Variants in POLR3A observed in about 807,000 individuals in gnomAD.
POLR3A encodes RNA polymerase III subunit A, also known as DNA-directed RNA polymerase III subunit RPC1.
A neutral mutation model predicts 152.8 loss-of-function variants in POLR3A; 112 were observed. That is an observed-to-expected ratio of 0.73 (90% confidence interval 0.63 to 0.86). The LOEUF is 0.86. Ranked by LOEUF, POLR3A falls within the 40% of genes least tolerant of loss-of-function variation. The pLI, the probability that POLR3A is intolerant of heterozygous loss-of-function variation, is 0.00. For synonymous variants in POLR3A, 615 were observed against 652.1 expected (o/e 0.94, Z 0.87); for missense variants, 1,385 against 1,743.1 (o/e 0.79, Z 3.66).
At chr10:77,999,910 G>C in intron 19 of POLR3A, 71 bp downstream of exon 19, 1 of 1,436,796 alleles carries the variant, frequency 7.0e-7, no homozygotes, top group Non-Finnish European at 9.8e-7. Flanking sequence ...TGCAAAACGT[G>C]TACTCAATAG....
rs560414667 is a variant in POLR3A, at chr10:77,981,532, C to A, written c.3787G>T (p.Ala1263Ser). ...ATTTCATTGATGATCGTTGTCCGGG[C>A]GGCCTCGATGCCCAGAGTTTTCTCC... ...EVEKTLGIEA[A>S]RTTIINEIQY... Residue 1263 changes from alanine to serine, a missense_variant, in exon 29 of 31, where the codon GCC becomes TCC. Transcript: ENST00000372371. 6.2e-6 allele frequency: 10 copies of A among 1,614,010 alleles called. No individual in the cohort carries two copies. The highest frequency in any genetic ancestry group is 4.4e-5 in the South Asian group (4 of 91,076).
Position 77,982,038 on chromosome 10 carries a change from CAAAAAAAAA to C in POLR3A, c.3759+107_3759+115del, listed in dbSNP as rs553149963. 1.8e-3 allele frequency: 490 copies of C among 276,964 alleles called. 4 individuals carry two copies. In the East Asian group the frequency reaches 0.026, roughly 15 times the overall value. The allele number at this position is 276,964 out of a possible 1,614,324, so 17.2% of individuals were successfully genotyped here. A position where few individuals can be genotyped will look rare whatever the true frequency, so the allele number is the denominator to read the frequency against. On this transcript the variant is annotated intron_variant, in intron 28 of 30. Transcript: ENST00000372371. Reference sequence around the variant, plus strand: ...TGGGCAACAGAGCAAGACTCCATCTCAAAAAAAAAAAAAAAAAAAAAAAAAAAAGAAGTA... The same window carrying C: ...TGGGCAACAGAGCAAGACTCCATCTCAAAAAAAAAAAAAAAAAAAGAAGTA...
In POLR3A at chr10:78,013,673, C is replaced by T. The variant is rs767334230; in HGVS notation, c.1549G>A (p.Ala517Thr). The change falls in exon 11 of 31, where the codon GCA (alanine) becomes ACA (threonine). Residue 517 changes from alanine (A) to threonine (T), a missense_variant. Around this residue, in one of 7 missense-constraint regions of POLR3A, gnomAD observed 493 missense variants for 647.5 expected, o/e 0.76. Coordinates refer to ENST00000372371, the MANE Select transcript of POLR3A (RefSeq NM_007055.4). ...LHLPQTEEAK[A>T]EALVLMGTKA... ...ACCCCCATCAGAACAAGGGCCTCTG[C>T]TTTAGCTTCTTCTGTTTGAGGAAGA... 3.1e-6 allele frequency: 5 copies of T among 1,614,010 alleles called. No homozygotes were observed. Among genetic ancestry groups the T allele is most frequent in the Non-Finnish European group, 4.2e-6 (5 of 1,180,002 alleles).
intron 19 of POLR3A, among the ~76,000 whole-genome samples, chr10:77,994,192 T>C (rs1217589736): frequency 6.6e-6 from 1 of 152,150 alleles, no homozygotes; most frequent in Non-Finnish European, 1.5e-5. Flanking sequence ...GATGATTAAT[T>C]GTATTCCATG....
At chr10:78,027,551 G>A (rs759919132) in intron 1 of POLR3A, among the ~76,000 whole-genome samples, 22 of 147,674 alleles carry the variant, frequency 1.5e-4, no homozygotes, top group Non-Finnish European at 2.8e-4. Context: ...AGCTGCTAGA[G>A]GATTTTTTTT....
intron 9 of POLR3A, among the ~76,000 whole-genome samples, chr10:78,018,191 C>G (rs1863902): frequency 6.8e-6 from 1 of 147,328 alleles, no homozygotes; most frequent in Admixed American, 6.8e-5. Context: ...AAAAAAAAAC[C>G]ATGATAAATT....
At chr10:78,005,002 T>TAAA in intron 15 of POLR3A, 114 bp from the exon 16 acceptor site, 1 of 803,646 alleles carries the variant, frequency 1.2e-6, no homozygotes, top group South Asian at 1.4e-5. Flanking sequence ...TATGTATGTA[T>TAAA]AGTTTAAAGT....
Position 77,985,165 on chromosome 10 carries a change from G to A in POLR3A, c.3242+5C>T. 6.2e-7 allele frequency: 1 copy of A among 1,612,580 alleles called. No individual in the cohort carries two copies. Among genetic ancestry groups the A allele is most frequent in the African/African-American group, 1.3e-5 (1 of 75,038 alleles). On this transcript the variant is annotated splice_donor_5th_base_variant and intron_variant, in intron 24 of 30. Coordinates refer to ENST00000372371, the MANE Select transcript of POLR3A (RefSeq NM_007055.4). Reference sequence around the variant, plus strand: ...GTGGAACAAGAAGGAAATGAAAGCAGGCACCTGATGGCCTTGGAAGCGTTG... The same window carrying A: ...GTGGAACAAGAAGGAAATGAAAGCAAGCACCTGATGGCCTTGGAAGCGTTG...
In POLR3A at chr10:78,012,719, GT is replaced by G. The variant is rs111895113; in HGVS notation, c.1572+930del. Among the ~76,000 whole-genome samples the G allele has an allele frequency of 9.9e-4, 145 of 147,084 alleles. 2 individuals are homozygous for G. In the Middle Eastern group the frequency reaches 0.01, roughly 11 times the overall value. On this transcript the variant is annotated intron_variant, in intron 11 of 30. Transcript: ENST00000372371. The stretch of plus-strand genomic sequence containing the variant: ...TGAATAGTACATGTAGTGCCAACAG[GT>G]TTTTTTTTTTTCTTCTTTTGAGACA...
chr10:78,024,976 A>G lies in POLR3A; in HGVS notation c.485T>C (p.Phe162Ser), dbSNP rs780825509. 3 of 1,614,158 alleles carry G rather than the reference A, an allele frequency of 1.9e-6. No homozygotes were observed. The highest frequency in any genetic ancestry group is 2.5e-6 in the Non-Finnish European group (3 of 1,180,010). ...KKNICHHCGAFNGTVKKCGLL... is the reference protein window; with the variant it reads ...KKNICHHCGASNGTVKKCGLL... Reference sequence around the variant, plus strand: ...CTTCTGTGCATTCCACTCACCATTAAAAGCGCCACAGTGATGGCAGATGTT... The same window carrying G: ...CTTCTGTGCATTCCACTCACCATTAGAAGCGCCACAGTGATGGCAGATGTT... The change falls in exon 4 of 31, where the codon TTT becomes TCT. Residue 162 changes from phenylalanine to serine, a missense_variant. Phe to Ser is a radical substitution (Grantham distance 155, BLOSUM62 -2). This residue lies in a region of POLR3A where 493 missense variants were observed against 647.5 expected (regional missense o/e 0.76). Transcript: ENST00000372371.
At chr10:78,001,526 C>A (rs1013386738) in intron 17 of POLR3A, among the ~76,000 whole-genome samples, 2 of 151,814 alleles carry the variant, frequency 1.3e-5, no homozygotes, top group Non-Finnish European at 2.9e-5. Context: ...TAAAAGGCAG[C>A]AAAGTTAAAG....
At chr10:78,010,064 A>T in intron 12 of POLR3A, 73 bp from the exon 13 acceptor site, 1 of 1,582,776 alleles carries the variant, frequency 6.3e-7, no homozygotes, top group South Asian at 1.1e-5. Context: ...TTTCAATTTT[A>T]AAATAAATTT....
rs1455819607 is a variant in POLR3A, at chr10:77,995,807, G to A, written c.2617-2440C>T. ...AATTGAACTCAGCTCTGCACCAAGCGGACCTAATAGACATCTACAGAATTC... is the reference window on the plus strand; with the variant it reads ...AATTGAACTCAGCTCTGCACCAAGCAGACCTAATAGACATCTACAGAATTC... On this transcript the variant is annotated intron_variant, in intron 19 of 30. Transcript: ENST00000372371. Among the ~76,000 whole-genome samples the A allele has an allele frequency of 1.1e-4, 16 of 152,118 alleles. No homozygotes were observed. The South Asian group carries it at 1.5e-3, about 14-fold the overall frequency.
intron 19 of POLR3A, among the ~76,000 whole-genome samples, chr10:77,997,762 T>C (rs1187770942): frequency 6.7e-6 from 1 of 150,250 alleles, no homozygotes; most frequent in Non-Finnish European, 1.5e-5. Context: ...GCCATCCCCA[T>C]CAAGCTACCA....
Position 77,976,063 on chromosome 10 carries a change from G to A in POLR3A, c.*1415C>T, listed in dbSNP as rs1847085992. ...GAGAAGTTAATAGGTCTACCTTGTA[G>A]ATGCAGGGAAATCAAAAGGTCAAAC... On this transcript the variant is annotated 3_prime_UTR_variant, in exon 31 of 31. Transcript: ENST00000372371. 1.3e-5 allele frequency: 2 copies of A among 151,970 alleles called. No individual in the cohort carries two copies. The highest frequency in any genetic ancestry group is 4.2e-4 in the South Asian group (2 of 4,802). 9.4% of individuals were successfully genotyped at this position (151,970 alleles called of 1,614,324 possible).
chr10:78,002,112 T>C, intron 17 of POLR3A, 85 bp downstream of exon 17: 1 of 727,878 alleles, frequency 1.4e-6, no homozygotes, highest in South Asian at 1.7e-5. Flanking sequence ...AATGTCTGTT[T>C]GGAGCTGTGA....
Position 77,982,521 on chromosome 10 carries a change from A to G in POLR3A, c.3594+132T>C, listed in dbSNP as rs1243637854. 3.2e-6 allele frequency: 3 copies of G among 931,874 alleles called. No individual in the cohort carries two copies. The African/African-American group carries it at 4.9e-5, about 15-fold the overall frequency. 57.7% of individuals were successfully genotyped at this position (931,874 alleles called of 1,614,324 possible). On this transcript the variant is annotated intron_variant, in intron 27 of 30. Coordinates refer to ENST00000372371, the MANE Select transcript of POLR3A (RefSeq NM_007055.4). The stretch of plus-strand genomic sequence containing the variant: ...GATAGAACAGAGAGGAATCTAACAG[A>G]CTAACTCCTTGGGGATAAGGCCAAG...
intron 29 of POLR3A, 65 bp downstream of exon 29, chr10:77,981,362 AG>A: frequency 1.4e-6 from 2 of 1,471,716 alleles, no homozygotes; most frequent in Non-Finnish European, 1.9e-6. Context: ...GAAACTCCAC[AG>A]GCTTATTCTC....
chr10:78,022,073 C>T (rs56409602), intron 6 of POLR3A, 51 bp from the exon 7 acceptor site: 1 of 1,614,170 alleles, frequency 6.2e-7, no homozygotes, highest in South Asian at 1.1e-5. Context: ...TTTGATTTTT[C>T]TCACATTTTC....
Sources: gnomAD v4.1 joint callset for allele counts (sites outside exome capture counted in the v4.1 genomes callset) on GRCh38, gnomAD v4.1.1 for gene constraint, gnomAD v4.1.1 regional missense constraint, MANE v1.5 for transcripts, NCBI Gene and HGNC (gene_info 2026-07-23, HGNC 2026-07-21) for gene names.